Variants in NIPA1 observed in about 807,000 individuals in gnomAD.
NIPA1 encodes NIPA magnesium transporter 1, also known as magnesium transporter NIPA1.
A neutral mutation model predicts 23.9 loss-of-function variants in NIPA1; 13 were observed. The ratio of observed to expected loss-of-function variants is 0.54; its 90% CI spans 0.35 to 0.87. NIPA1 has a LOEUF of 0.87. NIPA1 is among the 40% of genes least tolerant of loss of function. NIPA1 has a pLI of 0.01. For missense variants in NIPA1, 362 were observed against 429.7 expected, an observed-to-expected ratio of 0.84 and a Z score of 1.39; for synonymous variants, 234 against 202.9, an observed-to-expected ratio of 1.15 and a Z score of -1.30.
chr15:22,797,647 G>A (rs1481146479), intron 1 of NIPA1, among the ~76,000 whole-genome samples: 1 of 151,602 alleles, frequency 6.6e-6, no homozygotes, highest in African/African-American at 2.4e-5. Context: ...GGGATTATAG[G>A]CATGCGCCAC....
At chr15:22,804,367 C>T (rs1334921933) in intron 1 of NIPA1, among the ~76,000 whole-genome samples, 4 of 152,108 alleles carry the variant, frequency 2.6e-5, no homozygotes, top group Non-Finnish European at 5.9e-5. Context: ...GTGATCCACC[C>T]GCCCCGGCCT....
rs1016192645 is a variant in NIPA1 at position 22,813,262 on chromosome 15, C to T, written c.317+1009C>T. Among the ~76,000 whole-genome samples the T allele has an allele frequency of 1.2e-4, 18 of 151,858 alleles. 1 individual carries two copies. The highest frequency in any genetic ancestry group is 2.2e-4 in the African/African-American group (9 of 41,324). ...GAGGACTCCAGGGACCCAGTGTGTG[C>T]GCAGGCTTCTTTTTAAATTTTAATT... On this transcript the variant is annotated intron_variant, in intron 3 of 4. Transcript: ENST00000337435.
At chr15:22,789,878 C>T (rs1056847713) in intron 1 of NIPA1, among the ~76,000 whole-genome samples, 4 of 151,986 alleles carry the variant, frequency 2.6e-5, no homozygotes, top group African/African-American at 9.7e-5. Flanking sequence ...CATTGCAGCC[C>T]CCGCCTCCTA....
At chr15:22,806,122 A>C (rs371864827) in intron 1 of NIPA1, among the ~76,000 whole-genome samples, 1 of 152,086 alleles carries the variant, frequency 6.6e-6, no homozygotes, top group Non-Finnish European at 1.5e-5. Flanking sequence ...ACGGGGTTTC[A>C]CCGTGTTAGC....
chr15:22,824,155 C>T lies in NIPA1; in HGVS notation c.906C>T (p.Ser302=), dbSNP rs147070285. ...LGMACGFTTV[S]VGIVLIQVFK... ...TGGCCTGTGGATTCACGACCGTCTC[C>T]GTGGGGATTGTCCTTATACAGGTGT... Residue 302 remains serine (S), a synonymous_variant, in exon 5 of 5, where the codon TCC becomes TCT. Coordinates refer to ENST00000337435, the MANE Select transcript of NIPA1 (RefSeq NM_144599.5). The surrounding 1 kb of genome is among the most constrained non-coding windows in gnomAD (Gnocchi z 4.1). 3.8e-4 allele frequency: 618 copies of T among 1,613,640 alleles called. 2 individuals are homozygous for T. Among genetic ancestry groups the T allele is most frequent in the African/African-American group, 1.3e-3 (98 of 75,032 alleles).
intron 4 of NIPA1, among the ~76,000 whole-genome samples, chr15:22,821,857 C>T (rs1229773147): frequency 6.6e-6 from 1 of 152,232 alleles, no homozygotes; most frequent in African/African-American, 2.4e-5. Context: ...AAAACACAAC[C>T]TCCTTATACA....
At chr15:22,819,848 T>C (rs776062351) in intron 3 of NIPA1, among the ~76,000 whole-genome samples, 12 of 152,174 alleles carry the variant, frequency 7.9e-5, no homozygotes, top group Non-Finnish European at 1.8e-4. Flanking sequence ...AGTAATATAG[T>C]GGTGTAAATT....
intron 3 of NIPA1, chr15:22,814,292 C>T: frequency 3.7e-6 from 1 of 269,700 alleles, no homozygotes; most frequent in Non-Finnish European, 7.5e-6. Context: ...GAGTCTCGCT[C>T]TGTCGCCCAG....
chr15:22,815,791 T>C (rs907469828), intron 3 of NIPA1, among the ~76,000 whole-genome samples: 3 of 152,144 alleles, frequency 2.0e-5, no homozygotes. Context: ...GCAAAGTAGA[T>C]TTAGCATTGA....
chr15:22,800,534 A>G (rs1256484511), intron 1 of NIPA1, among the ~76,000 whole-genome samples: 1 of 152,004 alleles, frequency 6.6e-6, no homozygotes, highest in Non-Finnish European at 1.5e-5. Flanking sequence ...GCTGACGTCT[A>G]TAATCCCAAC....
At chr15:22,816,044 C>A (rs947962343) in intron 3 of NIPA1, among the ~76,000 whole-genome samples, 2 of 152,072 alleles carry the variant, frequency 1.3e-5, no homozygotes, top group African/African-American at 4.8e-5. Context: ...AAATAAGCTG[C>A]CTACTTTCAC....
intron 3 of NIPA1, chr15:22,813,678 A>T (rs1355555513): frequency 2.2e-6 from 1 of 456,040 alleles, no homozygotes; most frequent in Non-Finnish European, 4.4e-6. Flanking sequence ...TGATGGGTGT[A>T]TTGAAGTTTA....
intron 1 of NIPA1, among the ~76,000 whole-genome samples, chr15:22,787,496 C>T (rs918070423): frequency 6.6e-6 from 1 of 152,212 alleles, no homozygotes; most frequent in African/African-American, 2.4e-5. Context: ...CGCGGCAGAT[C>T]CAAAACCAAG....
intron 1 of NIPA1, among the ~76,000 whole-genome samples, chr15:22,805,580 G>T (rs1321508270): frequency 2.0e-5 from 3 of 152,104 alleles, no homozygotes; most frequent in Non-Finnish European, 4.4e-5. Context: ...CAGCTACTCA[G>T]GAGGCTGAGG....
At position 22,825,231 on chromosome 15, in the gene NIPA1, A is replaced by G. The variant is rs1400056876; in HGVS notation, c.*992A>G. The G allele has an allele frequency of 2.6e-5, 4 of 152,198 alleles. No homozygotes were observed. Among genetic ancestry groups the G allele is most frequent in the Admixed American group, 6.5e-5 (1 of 15,282 alleles). 9.4% of individuals were successfully genotyped at this position (152,198 alleles called of 1,614,324 possible). On this transcript the variant is annotated 3_prime_UTR_variant, in exon 5 of 5. Coordinates refer to ENST00000337435, the MANE Select transcript of NIPA1 (RefSeq NM_144599.5). ...GTGACCGCACTGAATACCGCAGGCA[A>G]TTGTAACACAGTGGTGAGTATTTGT...
chr15:22,789,269 G>T (rs11632539), intron 1 of NIPA1, among the ~76,000 whole-genome samples: 9 of 151,968 alleles, frequency 5.9e-5, no homozygotes, highest in Non-Finnish European at 2.9e-5. Flanking sequence ...GATTACAGGC[G>T]TGAGCCACCA....
At chr15:22,821,341 A>C (rs1056845771) in intron 4 of NIPA1, among the ~76,000 whole-genome samples, 1 of 152,238 alleles carries the variant, frequency 6.6e-6, no homozygotes, top group Non-Finnish European at 1.5e-5. Context: ...ATTTCACTTT[A>C]AGTAGACCAC....
At chr15:22,797,414 A>G (rs937854768) in intron 1 of NIPA1, among the ~76,000 whole-genome samples, 3 of 151,188 alleles carry the variant, frequency 2.0e-5, no homozygotes, top group African/African-American at 4.9e-5. Context: ...GGGTTTCACC[A>G]TGTTAGCCAG....
Position 22,812,212 on chromosome 15 carries a change from G to A in NIPA1, c.276G>A (p.Thr92=), listed in dbSNP as rs758112403. Residue 92 remains threonine (T), a synonymous_variant, in exon 3 of 5, where the codon ACG becomes ACA. Transcript: ENST00000337435. ...GNFLAYTAVP[T]VLVTPLGALG... ...TCCTGGCTTACACGGCGGTCCCCAC[G>A]GTCCTGGTAACCCCCCTGGGCGCCC... 3.5e-5 allele frequency: 57 copies of A among 1,613,882 alleles called. No homozygotes were observed. The highest frequency in any genetic ancestry group is 6.7e-5 in the East Asian group (3 of 44,872).
Sources: gnomAD v4.1 joint callset for allele counts (sites outside exome capture counted in the v4.1 genomes callset) on GRCh38, gnomAD v4.1.1 for gene constraint, Gnocchi (gnomAD v3.1) non-coding constraint, MANE v1.5 for transcripts, NCBI Gene and HGNC (gene_info 2026-07-23, HGNC 2026-07-21) for gene names.